Variants in FAM228B observed in about 807,000 individuals in gnomAD.
The protein encoded by FAM228B is protein FAM228B.
FAM228B carries 38 observed loss-of-function variants against 42.6 expected under a neutral mutation model. That is an observed-to-expected ratio of 0.89 (90% CI 0.69 to 1.17). The LOEUF (loss-of-function observed/expected upper bound fraction) is 1.17. Ranked by LOEUF, FAM228B falls within the 50% of genes most tolerant of loss-of-function variation. FAM228B has a pLI of 0.00. For missense variants in FAM228B, 344 were observed against 367.3 expected, an observed-to-expected ratio of 0.94 and a Z score of 0.52; for synonymous variants, 109 against 122.3, an observed-to-expected ratio of 0.89 and a Z score of 0.72.
At chr2:24,078,075 C>A (rs1454755382) in intron 1 of FAM228B, among the ~76,000 whole-genome samples, 1 of 152,116 alleles carries the variant, frequency 6.6e-6, no homozygotes, top group Non-Finnish European at 1.5e-5. Flanking sequence ...GGGGTACCCT[C>A]CCCATACTAG....
chr2:24,092,522 C>G (rs1162997345), intron 2 of FAM228B, among the ~76,000 whole-genome samples: 1 of 149,836 alleles, frequency 6.7e-6, no homozygotes, highest in African/African-American at 2.5e-5. Flanking sequence ...TTGCAGTGAG[C>G]CGAGATCGCG....
In FAM228B at chr2:24,169,516, G is replaced by A. The variant is rs144107548; in HGVS notation, c.*175G>A. On this transcript the variant is annotated 3_prime_UTR_variant, in exon 11 of 11. Coordinates refer to ENST00000615575, the MANE Select transcript of FAM228B (RefSeq NM_001145710.2). This position sits in a 1 kb window ranked among gnomAD's most constrained non-coding sequence, Gnocchi z 4.2. The stretch of plus-strand genomic sequence containing the variant: ...TCTCTAAAAAAAAAGCATCTGCAAC[G>A]AACTTCCTTTAATTTTTGAGTTCAG... 1.4e-4 allele frequency: 43 copies of A among 301,422 alleles called. No individual in the cohort carries two copies. The highest frequency in any genetic ancestry group is 7.3e-4 in the African/African-American group (34 of 46,622). The allele number at this position is 301,422 out of a possible 1,614,324, so 18.7% of individuals were successfully genotyped here.
In FAM228B at chr2:24,147,076, A is replaced by G; in HGVS notation, c.676A>G (p.Arg226Gly). 1 of 1,550,024 alleles carries G rather than the reference A, an allele frequency of 6.5e-7. No individual in the cohort carries two copies. Among genetic ancestry groups the G allele is most frequent in the Non-Finnish European group, 8.7e-7 (1 of 1,145,948 alleles). Residue 226 changes from arginine to glycine, a missense_variant, in exon 7 of 11, where the codon AGA (arginine) becomes GGA (glycine). Arg to Gly is a moderately radical substitution (Grantham distance 125). Transcript: ENST00000615575. ...AAGATACATAGAAAGTGAATTTTGT[A>G]GAAGGAGAAGGTAATGGTTAATATA... is the stretch of plus-strand genomic sequence containing the variant. ...PTRYIESEFC[R>G]RRRLKVKVNF...
chr2:24,083,732 C>G (rs1158550266), intron 2 of FAM228B, among the ~76,000 whole-genome samples: 2 of 152,202 alleles, frequency 1.3e-5, no homozygotes, highest in Non-Finnish European at 2.9e-5. Context: ...TGCCCGCTGT[C>G]AGCTCCGGGA....
chr2:24,127,941 G>T (rs1666357400), intron 2 of FAM228B, among the ~76,000 whole-genome samples: 1 of 152,088 alleles, frequency 6.6e-6, no homozygotes, highest in South Asian at 2.1e-4. Context: ...GGAATTACGG[G>T]CATGAGTCAC....
At chr2:24,102,842 G>T (rs548313180) in intron 3 of FAM228B, among the ~76,000 whole-genome samples, 2 of 152,320 alleles carry the variant, frequency 1.3e-5, no homozygotes, top group East Asian at 3.9e-4. Context: ...ATTGGCAAAA[G>T]CAGTCCTCAC....
rs562956067 is a variant in FAM228B, at chr2:24,084,256, C to G, written c.-210+3301C>G. 2 of 1,614,040 alleles carry G rather than the reference C, an allele frequency of 1.2e-6. No homozygotes were observed. Among genetic ancestry groups the G allele is most frequent in the African/African-American group, 2.7e-5 (2 of 75,038 alleles). On this transcript the variant is annotated intron_variant, in intron 2 of 10. Coordinates refer to the FAM228B transcript ENST00000613899. The surrounding 1 kb of genome is among the most constrained non-coding windows in gnomAD (Gnocchi z 8.4). ...CAGGAGGACTTCACCCTCCCCCGGG[C>G]TCGGCTTGGCCACCTCCTTCACGTA...
At chr2:24,119,435 G>C (rs969043501), upstream of FAM228B, 2 of 605,298 alleles carry the variant, frequency 3.3e-6, no homozygotes, top group East Asian at 5.7e-5. Context: ...TGTCCTTCCA[G>C]TGGCTATGTA....
intron 7 of FAM228B, among the ~76,000 whole-genome samples, chr2:24,155,525 ATATATATTTTTTTT>A (rs1340741140): frequency 4.3e-4 from 21 of 48,306 alleles, no homozygotes; most frequent in African/African-American, 1.8e-3. Flanking sequence ...ATATATATAT[ATATATATTTTTTTT>A]TTTTTTTTTT....
chr2:24,158,799 T>C (rs1667222299), intron 7 of FAM228B, among the ~76,000 whole-genome samples: 1 of 152,140 alleles, frequency 6.6e-6, no homozygotes, highest in Non-Finnish European at 1.5e-5. Flanking sequence ...GAGCTCGAAG[T>C]TTTGAGAATT....
At chr2:24,155,761 G>A (rs1467183532) in intron 7 of FAM228B, among the ~76,000 whole-genome samples, 1 of 151,678 alleles carries the variant, frequency 6.6e-6, no homozygotes, top group Non-Finnish European at 1.5e-5. Context: ...GGCTGGTCTC[G>A]AACTCCTGAC....
At chr2:24,132,420 A>G (rs1005125357) in intron 2 of FAM228B, among the ~76,000 whole-genome samples, 2 of 131,588 alleles carry the variant, frequency 1.5e-5, no homozygotes, top group East Asian at 2.3e-4. Flanking sequence ...CCTTCTTTGT[A>G]TCTCTAGTAG....
chr2:24,122,189 G>A (rs1402688393), upstream of FAM228B, among the ~76,000 whole-genome samples: 1 of 151,904 alleles, frequency 6.6e-6, no homozygotes, highest in South Asian at 2.1e-4. Flanking sequence ...AAAATTAGCC[G>A]GGCCTGGTAG....
chr2:24,085,354 CA>C (rs1665210567), intron 2 of FAM228B: 1 of 152,156 alleles, frequency 6.6e-6, no homozygotes, highest in African/African-American at 2.4e-5. Context: ...CCGTAAGCTA[CA>C]TGAAGGTTTC....
intron 10 of FAM228B, 44 bp downstream of exon 10, chr2:24,167,727 C>T: frequency 6.5e-7 from 1 of 1,547,948 alleles, no homozygotes; most frequent in South Asian, 1.2e-5. Flanking sequence ...CTATTCCTTA[C>T]CCCTGTTTCT....
chr2:24,098,503 C>T (rs551215319), intron 3 of FAM228B, among the ~76,000 whole-genome samples: 117 of 152,340 alleles, frequency 7.7e-4, no homozygotes, highest in African/African-American at 2.6e-3. Context: ...ACTATAAACA[C>T]TTCTTTGCAA....
chr2:24,167,451 C>T (rs1276477488), intron 9 of FAM228B, among the ~76,000 whole-genome samples, 176 bp from the exon 10 acceptor site: 2 of 151,936 alleles, frequency 1.3e-5, no homozygotes, highest in African/African-American at 4.8e-5. Context: ...GATTTTAGAG[C>T]AAATGAACTC....
chr2:24,085,563 C>T (rs1057043392), intron 2 of FAM228B: 1 of 152,196 alleles, frequency 6.6e-6, no homozygotes, highest in African/African-American at 2.4e-5. Flanking sequence ...CTCCACCATC[C>T]CCCAAGTGAT....
Position 24,080,736 on chromosome 2 carries a change from C to CA in FAM228B, c.-289-139dup, listed in dbSNP as rs1459916165. ...ACTTAGCAGAGGTAAGACTGATACACAGCACTGGCAACTTTGAGACTGGTG... is the reference window on the plus strand; with the variant it reads ...ACTTAGCAGAGGTAAGACTGATACACAAGCACTGGCAACTTTGAGACTGGTG... On this transcript the variant is annotated intron_variant, in intron 1 of 10. Coordinates refer to the FAM228B transcript ENST00000613899. This position sits in a 1 kb window ranked among gnomAD's most constrained non-coding sequence, Gnocchi z 4.7. 8 of 1,553,692 alleles carry CA rather than the reference C, an allele frequency of 5.1e-6. No individual in the cohort carries two copies. In the African/African-American group the frequency reaches 6.8e-5, roughly 13 times the overall value.
Sources: allele counts gnomAD v4.1 joint callset (sites outside exome capture counted in the v4.1 genomes callset), GRCh38; gene constraint gnomAD v4.1.1; non-coding constraint Gnocchi (gnomAD v3.1); transcripts MANE v1.5; gene names NCBI Gene and HGNC (gene_info 2026-07-23, HGNC 2026-07-21).